TRHDE: variants seen among roughly 807,000 people sequenced by gnomAD.
The protein encoded by TRHDE is thyrotropin releasing hormone degrading enzyme.
In TRHDE, 72 loss-of-function variants were observed where a neutral mutation model predicts 125.7. The observed-to-expected ratio is 0.57, with a 90% CI of 0.47 to 0.70. TRHDE has a LOEUF of 0.70. Ranked by LOEUF, TRHDE falls within the 30% of genes least tolerant of loss-of-function variation. The probability of loss-of-function intolerance (pLI) is 0.00; values close to 1 mark genes in which losing one functional copy is unlikely to be tolerated. For synonymous variants in TRHDE, 509 were observed against 509.1 expected (o/e 1.00, Z 0.00); for missense variants, 1,110 against 1,327.1 (o/e 0.84, Z 2.54).
At chr12:72,379,655 A>G (rs1270638300) in intron 3 of TRHDE, among the ~76,000 whole-genome samples, 1 of 152,232 alleles carries the variant, frequency 6.6e-6, no homozygotes, top group Non-Finnish European at 1.5e-5. Flanking sequence ...GTATAACTTC[A>G]GGGGGTTCCA....
At chr12:72,108,423 T>C (rs1026644689) in intron 2 of TRHDE, among the ~76,000 whole-genome samples, 14 of 152,132 alleles carry the variant, frequency 9.2e-5, no homozygotes, top group African/African-American at 3.1e-4. Context: ...ATATGATAGA[T>C]ATTACAAACT....
chr12:72,102,593 T>C (rs1022049925), intron 1 of TRHDE, among the ~76,000 whole-genome samples: 1 of 152,204 alleles, frequency 6.6e-6, no homozygotes, highest in African/African-American at 2.4e-5. Flanking sequence ...AGCCAGCTTA[T>C]GGGTTACCAA....
chr12:72,302,061 G>C (rs1343463970), intron 2 of TRHDE, among the ~76,000 whole-genome samples: 1 of 152,116 alleles, frequency 6.6e-6, no homozygotes, highest in Non-Finnish European at 1.5e-5. Context: ...CTAATTATTA[G>C]AGGAAGTGAG....
intron 2 of TRHDE, among the ~76,000 whole-genome samples, chr12:72,294,578 T>G (rs1411646544): frequency 6.6e-6 from 1 of 152,104 alleles, no homozygotes; most frequent in Non-Finnish European, 1.5e-5. Flanking sequence ...ATGGGGCTCT[T>G]ATAAGCCTCA....
intron 2 of TRHDE, among the ~76,000 whole-genome samples, chr12:72,123,059 G>A (rs929665999): frequency 1.3e-5 from 2 of 152,088 alleles, no homozygotes; most frequent in African/African-American, 4.8e-5. Context: ...ATTCATACCC[G>A]AGGTTAATTT....
At chr12:72,440,732 C>G (rs1874969989) in intron 3 of TRHDE, among the ~76,000 whole-genome samples, 1 of 151,750 alleles carries the variant, frequency 6.6e-6, no homozygotes, top group South Asian at 2.1e-4. Flanking sequence ...AGGTACAAAC[C>G]CCCCTGCTGT....
At chr12:72,196,505 G>T (rs906918677) in intron 2 of TRHDE, among the ~76,000 whole-genome samples, 1 of 151,934 alleles carries the variant, frequency 6.6e-6, no homozygotes, top group African/African-American at 2.4e-5. Context: ...AGATGGGATT[G>T]TATTCTTTAT....
chr12:72,470,204 G>T (rs1271953842), intron 4 of TRHDE, among the ~76,000 whole-genome samples: 1 of 152,184 alleles, frequency 6.6e-6, no homozygotes, highest in South Asian at 2.1e-4. Context: ...TATCAACCTT[G>T]CTTTATTTTC....
intron 9 of TRHDE, among the ~76,000 whole-genome samples, chr12:72,566,168 G>A (rs1490446786): frequency 6.6e-6 from 1 of 151,698 alleles, no homozygotes; most frequent in Non-Finnish European, 1.5e-5. Flanking sequence ...TTAACAGTAC[G>A]GTATTTCAAA....
intron 1 of TRHDE, among the ~76,000 whole-genome samples, chr12:72,284,347 A>C (rs1285757143): frequency 6.6e-6 from 1 of 152,180 alleles, no homozygotes; most frequent in Non-Finnish European, 1.5e-5. Flanking sequence ...ACTCATAAAT[A>C]AAATCCCATG....
chr12:72,228,977 A>G (rs2139373054), intron 2 of TRHDE, among the ~76,000 whole-genome samples: 1 of 152,332 alleles, frequency 6.6e-6, no homozygotes, highest in Non-Finnish European at 1.5e-5. Flanking sequence ...CATTTTGGTC[A>G]CAACCATTCA....
At chr12:72,253,708 T>C (rs1878740685) in intron 2 of TRHDE, 1 of 152,196 alleles carries the variant, frequency 6.6e-6, no homozygotes, top group Admixed American at 6.5e-5. Context: ...TAAGTTGAAG[T>C]AATTCCTATC....
chr12:72,363,787 A>T (rs1250737189), intron 2 of TRHDE, among the ~76,000 whole-genome samples: 2 of 152,024 alleles, frequency 1.3e-5, no homozygotes, highest in African/African-American at 4.8e-5. Context: ...GAGGCAGGAG[A>T]AGGAAATAAA....
At chr12:72,171,899 A>T (rs1242508441) in intron 2 of TRHDE, among the ~76,000 whole-genome samples, 1 of 152,230 alleles carries the variant, frequency 6.6e-6, no homozygotes, top group Non-Finnish European at 1.5e-5. Context: ...AGTTGCCCAC[A>T]TTCAGAGTCA....
chr12:72,184,398 C>G (rs1351521515), intron 2 of TRHDE, among the ~76,000 whole-genome samples: 2 of 152,110 alleles, frequency 1.3e-5, no homozygotes, highest in Non-Finnish European at 2.9e-5. Context: ...CTCCCCGCTT[C>G]TTCCCCAGCC....
chr12:72,209,005 CCT>C (rs1877723895), intron 2 of TRHDE, among the ~76,000 whole-genome samples: 1 of 152,146 alleles, frequency 6.6e-6, no homozygotes, highest in Non-Finnish European at 1.5e-5. Context: ...CGGCTCCGAG[CCT>C]GCTACCCCTG....
chr12:72,542,480 A>G, intron 7 of TRHDE, 124 bp downstream of exon 7: 3 of 641,600 alleles, frequency 4.7e-6, no homozygotes, highest in East Asian at 2.8e-5. Flanking sequence ...AAGTTAAGCA[A>G]TGTCTTTCTA....
chr12:72,199,863 A>G (rs1877520643), intron 2 of TRHDE, among the ~76,000 whole-genome samples: 1 of 152,120 alleles, frequency 6.6e-6, no homozygotes, highest in South Asian at 2.1e-4. Flanking sequence ...CACTATTTTC[A>G]TGTTTGGATC....
intron 1 of TRHDE, among the ~76,000 whole-genome samples, chr12:72,098,574 A>G (rs553639735): frequency 1.7e-3 from 253 of 152,292 alleles, no homozygotes; most frequent in South Asian, 6.2e-3. Context: ...TGCTTTGACC[A>G]GTAGAATTTG....
Sources: gnomAD v4.1 joint callset for allele counts (sites outside exome capture counted in the v4.1 genomes callset) on GRCh38, gnomAD v4.1.1 for gene constraint, MANE v1.5 for transcripts, NCBI Gene and HGNC (gene_info 2026-07-23, HGNC 2026-07-21) for gene names.